Variants in GPAM observed in about 807,000 individuals in gnomAD.
GPAM encodes the protein glycerol-3-phosphate acyltransferase 1, mitochondrial.
GPAM carries 56 observed loss-of-function variants against 105.0 expected under a neutral mutation model. The observed-to-expected ratio is 0.53, with a 90% CI of 0.43 to 0.67. GPAM has a LOEUF of 0.67. Ranked by LOEUF, GPAM falls within the 30% of genes least tolerant of loss-of-function variation. The probability of loss-of-function intolerance (pLI) is 0.00; values close to 1 mark genes in which losing one functional copy is unlikely to be tolerated. For missense variants in GPAM, 855 were observed against 989.8 expected, an observed-to-expected ratio of 0.86 and a Z score of 1.83; for synonymous variants, 368 against 354.4, an observed-to-expected ratio of 1.04 and a Z score of -0.43.
intron 11 of GPAM, 24 bp from the exon 12 acceptor site, chr10:112,166,539 C>G (rs79525072): frequency 7.7e-7 from 1 of 1,302,612 alleles, no homozygotes; most frequent in African/African-American, 1.4e-5. Context: ...GTGAGAATAA[C>G]ATGGTGAGAA....
intron 1 of GPAM, among the ~76,000 whole-genome samples, chr10:112,206,982 A>T (rs1437227203): frequency 6.6e-6 from 1 of 152,206 alleles, no homozygotes; most frequent in Non-Finnish European, 1.5e-5. Context: ...CAAGCTACAA[A>T]GCCTAATACA....
chr10:112,195,961 C>T (rs1004655805), intron 1 of GPAM, among the ~76,000 whole-genome samples: 2 of 152,208 alleles, frequency 1.3e-5, no homozygotes, highest in Non-Finnish European at 2.9e-5. Flanking sequence ...TTCTCTCCCT[C>T]ACCCCACTCC....
At chr10:112,199,144 T>C (rs1254141759) in intron 1 of GPAM, among the ~76,000 whole-genome samples, 1 of 146,730 alleles carries the variant, frequency 6.8e-6, no homozygotes, top group East Asian at 2.0e-4. Flanking sequence ...TTAGTAGAGA[T>C]GGGGTTTCAC....
At chr10:112,163,587 C>T (rs977286538) in intron 14 of GPAM, 114 bp downstream of exon 14, 1 of 700,166 alleles carries the variant, frequency 1.4e-6, no homozygotes, top group South Asian at 1.5e-5. Flanking sequence ...CTATCACCAC[C>T]TGTGAATTAA....
chr10:112,180,500 A>G lies in GPAM; in HGVS notation c.198T>C (p.Cys66=), dbSNP rs774706457. 4 of 1,613,696 alleles carry G rather than the reference A, an allele frequency of 2.5e-6. No individual in the cohort carries two copies. The highest frequency in any genetic ancestry group is 3.4e-6 in the Non-Finnish European group (4 of 1,179,602). Residue 66 remains cysteine (C), a synonymous_variant, in exon 4 of 22, where the codon TGT becomes TGC. Transcript: ENST00000348367. ...MSRKRPFVGR[C]CYSCTPQSWD... ...AGCTCTGGGGAGTGCAGGAGTAACA[A>G]CATCTTCCAACAAATGGCCTTTTCC...
chr10:112,154,869 C>A (rs1347510259), intron 20 of GPAM, 182 bp from the exon 21 acceptor site: 9 of 663,924 alleles, frequency 1.4e-5, no homozygotes, highest in African/African-American at 1.8e-5. Flanking sequence ...GCTGTTAAAC[C>A]TACTTTGCTT....
At chr10:112,179,329 T>C (rs1455527725) in intron 4 of GPAM, among the ~76,000 whole-genome samples, 1 of 152,180 alleles carries the variant, frequency 6.6e-6, no homozygotes, top group Non-Finnish European at 1.5e-5. Context: ...ATTGTAGTTA[T>C]TGTTTTAAGT....
At position 112,175,645 on chromosome 10, in the gene GPAM, C is replaced by T; in HGVS notation, c.368G>A (p.Gly123Asp). ...LFIQERDVHK[G>D]MFATNVTENV... ...TTCAGTCACATTGGTGGCAAACATG[C>T]CCTTATGCACATCTCGCTCTTGAAT... Residue 123 changes from glycine to aspartate, a missense_variant, in exon 6 of 22, where the codon GGC becomes GAC. Gly to Asp is a moderately conservative substitution (Grantham distance 94). Coordinates refer to ENST00000348367, the MANE Select transcript of GPAM (RefSeq NM_001244949.2). The T allele has an allele frequency of 6.2e-7, 1 of 1,612,670 alleles. No individual in the cohort carries two copies. Among genetic ancestry groups the T allele is most frequent in the Non-Finnish European group, 8.5e-7 (1 of 1,178,736 alleles).
chr10:112,197,874 G>T (rs971379349), intron 1 of GPAM, among the ~76,000 whole-genome samples: 2 of 152,064 alleles, frequency 1.3e-5, no homozygotes, highest in African/African-American at 4.8e-5. Flanking sequence ...AAAAACAGAG[G>T]TGGCATGTAT....
rs1847873870 is a variant in GPAM, at chr10:112,208,349, T to A, written n.210+6819A>T. ...ACATCCTGATAACCCTGAGTACTAATGGCTTTTATTTCCATTGCAACTGCT... is the reference window on the plus strand; with the variant it reads ...ACATCCTGATAACCCTGAGTACTAAAGGCTTTTATTTCCATTGCAACTGCT... On this transcript the variant is annotated intron_variant and non_coding_transcript_variant, in intron 1 of 3. Coordinates refer to the GPAM transcript ENST00000480130. Among the ~76,000 whole-genome samples the A allele has an allele frequency of 8.5e-5, 13 of 152,362 alleles. 1 individual carries two copies. The South Asian group carries it at 2.7e-3, about 32-fold the overall frequency.
intron 4 of GPAM, among the ~76,000 whole-genome samples, chr10:112,179,085 A>G (rs535440868): frequency 6.6e-6 from 1 of 152,268 alleles, no homozygotes; most frequent in Non-Finnish European, 1.5e-5. Context: ...AGAGAAAAGG[A>G]AAATACGATT....
At chr10:112,174,295 A>G (rs189420724) in intron 6 of GPAM, among the ~76,000 whole-genome samples, 4 of 152,250 alleles carry the variant, frequency 2.6e-5, no homozygotes, top group Admixed American at 2.6e-4. Flanking sequence ...TAGTAAAACT[A>G]TATGTAAAAC....
chr10:112,177,857 T>C (rs1847434800), intron 5 of GPAM, 127 bp downstream of exon 5: 1 of 636,466 alleles, frequency 1.6e-6, no homozygotes. Flanking sequence ...ATAATCTCTC[T>C]TGTGTCAGAA....
chr10:112,150,671 G>T lies in GPAM; in HGVS notation c.*2879C>A. 1 of 912,942 alleles carries T rather than the reference G, an allele frequency of 1.1e-6. No individual in the cohort carries two copies. The highest frequency in any genetic ancestry group is 1.3e-6 in the Non-Finnish European group (1 of 763,872). 56.6% of individuals were successfully genotyped at this position (912,942 alleles called of 1,614,324 possible). A position where few individuals can be genotyped will look rare whatever the true frequency, so the allele number is the denominator to read the frequency against. On this transcript the variant is annotated 3_prime_UTR_variant, in exon 22 of 22. Coordinates refer to ENST00000348367, the MANE Select transcript of GPAM (RefSeq NM_001244949.2). ...GTGTCAAAATAGTTTGGGCAATGCT[G>T]GGTTAGACAGTTTTTCACTACCGGA...
At chr10:112,201,224 C>A (rs1337466200) in intron 1 of GPAM, among the ~76,000 whole-genome samples, 1 of 152,188 alleles carries the variant, frequency 6.6e-6, no homozygotes, top group Non-Finnish European at 1.5e-5. Flanking sequence ...AGAGCTGCCA[C>A]TTTGATCAGG....
At chr10:112,154,607 A>C in intron 21 of GPAM, 22 bp downstream of exon 21, 1 of 1,526,574 alleles carries the variant, frequency 6.6e-7, no homozygotes, top group South Asian at 1.1e-5. Flanking sequence ...TAGCTTTTAT[A>C]CCATAAATGG....
At chr10:112,172,467 A>T (rs1005525625) in intron 8 of GPAM, 149 bp from the exon 9 acceptor site, 1 of 694,726 alleles carries the variant, frequency 1.4e-6, no homozygotes, top group Non-Finnish European at 2.6e-6. Flanking sequence ...ACTTCCTTCA[A>T]TGTAATACTT....
At chr10:112,184,714 A>C (rs971799421), upstream of GPAM, among the ~76,000 whole-genome samples, 32 of 152,356 alleles carry the variant, frequency 2.1e-4, no homozygotes, top group African/African-American at 7.7e-4. Flanking sequence ...TAGAGGGAGC[A>C]GCCAAAAAGA....
chr10:112,184,385 C>T (rs1333048156), upstream of GPAM, among the ~76,000 whole-genome samples: 4 of 152,048 alleles, frequency 2.6e-5, no homozygotes, highest in African/African-American at 9.7e-5. Context: ...AAGTTCTCAC[C>T]ATGAAAACTG....
Sources: gnomAD v4.1 joint callset for allele counts (sites outside exome capture counted in the v4.1 genomes callset) on GRCh38, gnomAD v4.1.1 for gene constraint, MANE v1.5 for transcripts, NCBI Gene and HGNC (gene_info 2026-07-23, HGNC 2026-07-21) for gene names.